Variants in WDTC1 observed in about 807,000 individuals in gnomAD.
WDTC1 encodes WD and tetratricopeptide repeats 1.
In WDTC1, 12 loss-of-function variants were observed where a neutral mutation model predicts 76.0. That is an observed-to-expected ratio of 0.16 (90% CI 0.10 to 0.26). The LOEUF (loss-of-function observed/expected upper bound fraction) is 0.26, where lower values mean the gene tolerates loss of function less well. WDTC1 is among the 10% of genes least tolerant of loss of function. The pLI, the probability that WDTC1 is intolerant of heterozygous loss-of-function variation, is 1.00. For synonymous variants in WDTC1, 326 were observed against 350.8 expected (o/e 0.93, Z 0.79); for missense variants, 511 against 908.8 (o/e 0.56, Z 5.63).
rs532291732 is a variant in WDTC1 at position 27,278,813 on chromosome 1, G to A, written c.133-3426G>A. ...GCTTTCCCTGACCACTATATCTAAA[G>A]TATATCCAGGCCAGGTATGGTGGCT... On this transcript the variant is annotated intron_variant, in intron 3 of 15. Transcript: ENST00000319394. Among the ~76,000 whole-genome samples, 7 of 152,292 alleles carry A rather than the reference G, an allele frequency of 4.6e-5. No homozygotes were observed. The South Asian group carries it at 1.4e-3, about 32-fold the overall frequency.
At chr1:27,257,595 C>G (rs1240013011) in intron 1 of WDTC1, among the ~76,000 whole-genome samples, 3 of 152,240 alleles carry the variant, frequency 2.0e-5, no homozygotes, top group Admixed American at 1.3e-4. Context: ...TGTTCAAATT[C>G]ACATTTTTAA....
chr1:27,302,405 C>G (rs929612404), intron 13 of WDTC1, among the ~76,000 whole-genome samples: 4 of 152,146 alleles, frequency 2.6e-5, no homozygotes, highest in East Asian at 3.9e-4. Context: ...AAACTAAGAT[C>G]TAAAGGATCC....
At chr1:27,269,473 T>A (rs2147943192) in intron 3 of WDTC1, among the ~76,000 whole-genome samples, 1 of 151,162 alleles carries the variant, frequency 6.6e-6, no homozygotes, top group East Asian at 2.0e-4. Flanking sequence ...AGAAATGAGG[T>A]TGGTGAGGTA....
chr1:27,289,604 A>G (rs1160602198), intron 6 of WDTC1, among the ~76,000 whole-genome samples: 2 of 152,300 alleles, frequency 1.3e-5, no homozygotes, highest in East Asian at 3.9e-4. Flanking sequence ...AGAGGCTGCA[A>G]TCTCGGCACT....
At chr1:27,251,865 A>G (rs1405088558) in intron 1 of WDTC1, among the ~76,000 whole-genome samples, 2 of 151,940 alleles carry the variant, frequency 1.3e-5, no homozygotes, top group East Asian at 3.9e-4. Flanking sequence ...CCTGGCCAAC[A>G]TGGTGAAACC....
chr1:27,303,830 T>C lies in WDTC1; in HGVS notation c.1643+35T>C. The C allele has an allele frequency of 1.2e-6, 2 of 1,608,824 alleles. No individual in the cohort carries two copies. Among genetic ancestry groups the C allele is most frequent in the Non-Finnish European group, 1.7e-6 (2 of 1,178,194 alleles). On this transcript the variant is annotated intron_variant, in intron 14 of 15. Coordinates refer to ENST00000319394, the MANE Select transcript of WDTC1 (RefSeq NM_001276252.2). The surrounding 1 kb of genome is among the most constrained non-coding windows in gnomAD (Gnocchi z 4.8). The stretch of plus-strand genomic sequence containing the variant: ...CCTGAAGAGGAGGGTGCAGCCCAGT[T>C]GGCAGCGGGAGGTTGAGTGGGGAGT...
chr1:27,248,306 C>T (rs2011919203), intron 1 of WDTC1, among the ~76,000 whole-genome samples: 1 of 152,194 alleles, frequency 6.6e-6, no homozygotes, highest in Admixed American at 6.5e-5. Flanking sequence ...GCAACCTCAC[C>T]AGCATCTGTT....
In WDTC1 at chr1:27,287,802, C is replaced by T. The variant is rs201590661; in HGVS notation, c.420C>T (p.Ile140=). The T allele has an allele frequency of 4.0e-5, 64 of 1,614,004 alleles. No individual in the cohort carries two copies. The highest frequency in any genetic ancestry group is 8.3e-5 in the Admixed American group (5 of 60,000). Residue 140 remains isoleucine (I), a synonymous_variant, in exon 6 of 16, where the codon ATC becomes ATT. Transcript: ENST00000319394. ...ACCACACAAACCGGGTGAAGCGCATCGCCACAGCGCCCATGTGGCCCAACA... is the reference window on the plus strand; with the variant it reads ...ACCACACAAACCGGGTGAAGCGCATTGCCACAGCGCCCATGTGGCCCAACA... ...FGDHTNRVKR[I]ATAPMWPNTF...
intron 3 of WDTC1, among the ~76,000 whole-genome samples, chr1:27,269,211 C>G (rs1344156602): frequency 3.0e-5 from 4 of 133,344 alleles, no homozygotes; most frequent in Non-Finnish European, 6.2e-5. Context: ...TGTGGAGGCA[C>G]ATGCCTATAG....
intron 1 of WDTC1, among the ~76,000 whole-genome samples, chr1:27,247,712 CTTTTTTT>C (rs35930144): frequency 7.3e-6 from 1 of 136,560 alleles, no homozygotes; most frequent in African/African-American, 2.7e-5. Context: ...CATTTTCTTT[CTTTTTTT>C]TTTTTTTTTT....
chr1:27,276,572 A>T (rs1197527868), intron 3 of WDTC1, among the ~76,000 whole-genome samples: 1 of 152,016 alleles, frequency 6.6e-6, no homozygotes, highest in Non-Finnish European at 1.5e-5. Flanking sequence ...ACACACCTGT[A>T]GTCCCAGCTA....
rs752812317 is a variant in WDTC1, at chr1:27,286,395, T to C, written c.292-1279T>C. On this transcript the variant is annotated intron_variant, in intron 5 of 15. Transcript: ENST00000319394. The stretch of plus-strand genomic sequence containing the variant: ...CCTATTGTCCAACATTTGAGCTGTT[T>C]CCAATATTTGCTATTATAAGAGGCA... Among the ~76,000 whole-genome samples the C allele has an allele frequency of 2.0e-5, 3 of 151,698 alleles. No homozygotes were observed. In the Middle Eastern group the frequency reaches 0.01, roughly 516 times the overall value.
At position 27,263,212 on chromosome 1, in the gene WDTC1, C is replaced by G; in HGVS notation, c.109C>G (p.Leu37Val). Residue 37 changes from leucine (L) to valine (V), a missense_variant, in exon 3 of 16, where the codon CTG (leucine) becomes GTG (valine). By Grantham distance (32) the Leu-to-Val change is conservative (BLOSUM62 1). Coordinates refer to ENST00000319394, the MANE Select transcript of WDTC1 (RefSeq NM_001276252.2). ...YHVTDPFIRRLGLEAELQGHS... is the reference protein window; with the variant it reads ...YHVTDPFIRRVGLEAELQGHS... ...TGTCACTGACCCCTTTATCCGGCGGCTGGGCCTGGAAGCAGAGCTGCAGGT... is the reference window on the plus strand; with the variant it reads ...TGTCACTGACCCCTTTATCCGGCGGGTGGGCCTGGAAGCAGAGCTGCAGGT... 1 of 1,613,576 alleles carries G rather than the reference C, an allele frequency of 6.2e-7. No individual in the cohort carries two copies. Among genetic ancestry groups the G allele is most frequent in the Non-Finnish European group, 8.5e-7 (1 of 1,179,894 alleles).
At chr1:27,289,184 C>T (rs1383505193) in intron 6 of WDTC1, among the ~76,000 whole-genome samples, 6 of 146,746 alleles carry the variant, frequency 4.1e-5, no homozygotes, top group South Asian at 2.2e-4. Context: ...ACCTCCCGGA[C>T]GGGGCGGCTG....
intron 3 of WDTC1, among the ~76,000 whole-genome samples, chr1:27,270,550 AG>A (rs2012837577): frequency 1.3e-5 from 2 of 152,066 alleles, no homozygotes; most frequent in South Asian, 4.1e-4. Flanking sequence ...AAAATTAGCC[AG>A]GGGTGGTGAC....
At chr1:27,300,117 C>T (rs1478003281) in intron 12 of WDTC1, among the ~76,000 whole-genome samples, 1 of 152,244 alleles carries the variant, frequency 6.6e-6, no homozygotes, top group Non-Finnish European at 1.5e-5. Flanking sequence ...GGCTGAGCTG[C>T]TGGTTCCTGG....
At chr1:27,241,598 T>G (rs1250415718) in intron 1 of WDTC1, among the ~76,000 whole-genome samples, 1 of 152,212 alleles carries the variant, frequency 6.6e-6, no homozygotes, top group African/African-American at 2.4e-5. Flanking sequence ...CAGCTAGTAG[T>G]AGAGTTACAG....
rs2012979356 is a variant in WDTC1, at chr1:27,274,964, T to C, written c.133-7275T>C. 1.3e-5 allele frequency among the ~76,000 whole-genome samples: 2 copies of C among 152,214 alleles called. No individual in the cohort carries two copies. The highest frequency in any genetic ancestry group is 2.9e-5 in the Non-Finnish European group (2 of 68,040). On this transcript the variant is annotated intron_variant, in intron 3 of 15. Coordinates refer to ENST00000319394, the MANE Select transcript of WDTC1 (RefSeq NM_001276252.2). This position sits in a 1 kb window ranked among gnomAD's most constrained non-coding sequence, Gnocchi z 4.2. ...AGCATTTCTAAGGTCAGATAAGTGG[T>C]AGAAATAAGATTTAAAAGATTTATA... is the stretch of plus-strand genomic sequence containing the variant.
chr1:27,292,415 T>C lies in WDTC1; in HGVS notation c.662+18T>C. 1 of 1,519,670 alleles carries C rather than the reference T, an allele frequency of 6.6e-7. No homozygotes were observed. Among genetic ancestry groups the C allele is most frequent in the Non-Finnish European group, 8.9e-7 (1 of 1,126,764 alleles). 94.1% of individuals were successfully genotyped at this position (1,519,670 alleles called of 1,614,324 possible). On this transcript the variant is annotated intron_variant, in intron 7 of 15. Coordinates refer to ENST00000319394, the MANE Select transcript of WDTC1 (RefSeq NM_001276252.2). ...AACCACAGGTATGAATAGTTCAGCCTCCTGTCTCCTGTGAGTAAGTCCCCA... is the reference window on the plus strand; with the variant it reads ...AACCACAGGTATGAATAGTTCAGCCCCCTGTCTCCTGTGAGTAAGTCCCCA...
Sources: gnomAD v4.1 joint callset for allele counts (sites outside exome capture counted in the v4.1 genomes callset) on GRCh38, gnomAD v4.1.1 for gene constraint, Gnocchi (gnomAD v3.1) non-coding constraint, MANE v1.5 for transcripts, NCBI Gene and HGNC (gene_info 2026-07-23, HGNC 2026-07-21) for gene names.